TMEM132D: variants seen among roughly 807,000 people sequenced by gnomAD.
TMEM132D encodes transmembrane protein 132D.
In TMEM132D, 21 loss-of-function variants were observed where a neutral mutation model predicts 62.3. The ratio of observed to expected loss-of-function variants is 0.34; its 90% CI spans 0.24 to 0.49. TMEM132D has a LOEUF of 0.49. Ranked by LOEUF, TMEM132D falls within the 20% of genes least tolerant of loss-of-function variation. The probability of loss-of-function intolerance (pLI) is 0.99; values close to 1 mark genes in which losing one functional copy is unlikely to be tolerated. For synonymous variants in TMEM132D, 621 were observed against 575.6 expected (o/e 1.08, Z -1.13); for missense variants, 1,346 against 1,402.8 (o/e 0.96, Z 0.65).
At chr12:129,825,086 T>C (rs1360883915) in intron 1 of TMEM132D, among the ~76,000 whole-genome samples, 1 of 150,482 alleles carries the variant, frequency 6.6e-6, no homozygotes, top group African/African-American at 2.4e-5. Flanking sequence ...TGATCTCAGC[T>C]CACTGCAACC....
chr12:129,709,382 A>T (rs1208491502), intron 1 of TMEM132D, among the ~76,000 whole-genome samples: 3 of 152,244 alleles, frequency 2.0e-5, no homozygotes, highest in African/African-American at 7.2e-5. Context: ...CAAAGAAAGG[A>T]TATGTAACTA....
intron 1 of TMEM132D, among the ~76,000 whole-genome samples, chr12:129,737,057 C>T (rs1287524184): frequency 6.6e-6 from 1 of 152,062 alleles, no homozygotes; most frequent in Non-Finnish European, 1.5e-5. Context: ...ACCTCATGAT[C>T]CGCCTGCCTC....
chr12:129,188,572 A>G (rs1438208342), intron 5 of TMEM132D, among the ~76,000 whole-genome samples: 2 of 152,286 alleles, frequency 1.3e-5, no homozygotes, highest in East Asian at 3.9e-4. Context: ...TGTGGTTTCC[A>G]ACTAGGGACA....
chr12:129,780,049 A>G (rs1593158797), intron 1 of TMEM132D, among the ~76,000 whole-genome samples: 1 of 151,872 alleles, frequency 6.6e-6, no homozygotes, highest in Non-Finnish European at 1.5e-5. Flanking sequence ...CCGACTCCAC[A>G]CCCTGAAGCT....
At chr12:129,095,481 A>G (rs1875082489) in intron 5 of TMEM132D, among the ~76,000 whole-genome samples, 2 of 151,366 alleles carry the variant, frequency 1.3e-5, no homozygotes, top group African/African-American at 2.4e-5. Flanking sequence ...CAGCCTCCCA[A>G]GTAGGAACTA....
chr12:129,645,345 G>T (rs573255950), intron 2 of TMEM132D, among the ~76,000 whole-genome samples: 2 of 152,264 alleles, frequency 1.3e-5, no homozygotes, highest in East Asian at 3.9e-4. Context: ...TTCTGGCTAT[G>T]CTCTGAGTTT....
In TMEM132D at chr12:129,565,349, A is replaced by G. The variant is rs549075857; in HGVS notation, c.969-34144T>C. 2.0e-5 allele frequency among the ~76,000 whole-genome samples: 3 copies of G among 152,338 alleles called. 1 individual carries two copies. Among genetic ancestry groups the G allele is most frequent in the African/African-American group, 4.8e-5 (2 of 41,580 alleles). On this transcript the variant is annotated intron_variant, in intron 2 of 8. Coordinates refer to ENST00000422113, the MANE Select transcript of TMEM132D (RefSeq NM_133448.3). ...GATAGAGGCAGGGACTTAAAGAAAG[A>G]GTTTGACCCAATAAAAACCACAGGA...
intron 4 of TMEM132D, among the ~76,000 whole-genome samples, chr12:129,285,336 T>C (rs1008863241): frequency 3.5e-5 from 5 of 144,292 alleles, no homozygotes; most frequent in African/African-American, 1.0e-4. Context: ...CTGGCCAACA[T>C]AGTGAAACCC....
chr12:129,769,724 G>A (rs1265100168), intron 1 of TMEM132D, among the ~76,000 whole-genome samples: 2 of 152,134 alleles, frequency 1.3e-5, no homozygotes, highest in Admixed American at 6.5e-5. Flanking sequence ...GCTGGCAACA[G>A]GCATTTGAAA....
At chr12:129,677,374 G>A (rs938147495) in intron 2 of TMEM132D, among the ~76,000 whole-genome samples, 1 of 152,128 alleles carries the variant, frequency 6.6e-6, no homozygotes, top group Non-Finnish European at 1.5e-5. Flanking sequence ...TGATCATGAG[G>A]CCTCCCCAAC....
At chr12:129,820,546 A>T (rs1872517274) in intron 1 of TMEM132D, among the ~76,000 whole-genome samples, 1 of 152,198 alleles carries the variant, frequency 6.6e-6, no homozygotes, top group African/African-American at 2.4e-5. Context: ...AATCAGAGGT[A>T]TACCAGAAAC....
intron 3 of TMEM132D, among the ~76,000 whole-genome samples, chr12:129,399,058 A>C (rs1871520883): frequency 6.6e-6 from 1 of 152,316 alleles, no homozygotes; most frequent in East Asian, 1.9e-4. Flanking sequence ...GGAAGGGCAA[A>C]GGAGCACACA....
intron 1 of TMEM132D, among the ~76,000 whole-genome samples, chr12:129,815,751 T>G (rs1325006098): frequency 6.6e-6 from 1 of 152,250 alleles, no homozygotes; most frequent in Non-Finnish European, 1.5e-5. Flanking sequence ...TCAAGTATTA[T>G]TTATTTTCTG....
intron 7 of TMEM132D, among the ~76,000 whole-genome samples, chr12:129,080,664 G>A (rs1466446354): frequency 6.6e-6 from 1 of 152,160 alleles, no homozygotes; most frequent in Non-Finnish European, 1.5e-5. Flanking sequence ...CAGCTGCTGA[G>A]TAATACACTC....
chr12:129,420,304 C>CTTTTTTT (rs1566063045), intron 3 of TMEM132D, among the ~76,000 whole-genome samples: 12 of 69,874 alleles, frequency 1.7e-4, no homozygotes, highest in East Asian at 6.4e-4. Context: ...TGCACGTTCT[C>CTTTTTTT]TGTTTTTTTT....
At chr12:129,161,586 C>T (rs1877401068) in intron 5 of TMEM132D, among the ~76,000 whole-genome samples, 1 of 152,178 alleles carries the variant, frequency 6.6e-6, no homozygotes, top group South Asian at 2.1e-4. Flanking sequence ...ATTTCCTAGA[C>T]CCATCTTCTC....
intron 5 of TMEM132D, among the ~76,000 whole-genome samples, chr12:129,190,849 A>G (rs1878376908): frequency 6.6e-6 from 1 of 152,128 alleles, no homozygotes; most frequent in Admixed American, 6.5e-5. Flanking sequence ...CTGAGCCCAT[A>G]TCCTAGCTCT....
At chr12:129,156,742 T>C (rs967348054) in intron 5 of TMEM132D, among the ~76,000 whole-genome samples, 4 of 150,542 alleles carry the variant, frequency 2.7e-5, no homozygotes, top group Admixed American at 2.0e-4. Flanking sequence ...AATAACCAAA[T>C]CACTTCCATG....
At chr12:129,286,321 T>C (rs1318402249) in intron 4 of TMEM132D, among the ~76,000 whole-genome samples, 1 of 152,230 alleles carries the variant, frequency 6.6e-6, no homozygotes, top group East Asian at 1.9e-4. Flanking sequence ...CATATCACCA[T>C]GGCTATATCT....
Sources: gnomAD v4.1 joint callset for allele counts (sites outside exome capture counted in the v4.1 genomes callset) on GRCh38, gnomAD v4.1.1 for gene constraint, MANE v1.5 for transcripts, NCBI Gene and HGNC (gene_info 2026-07-23, HGNC 2026-07-21) for gene names.